Variants in NOX4 observed in about 807,000 individuals in gnomAD.
The protein encoded by NOX4 is NADPH oxidase 4.
In NOX4, 69 loss-of-function variants were observed where a neutral mutation model predicts 87.6. The observed-to-expected ratio is 0.79, with a 90% CI of 0.65 to 0.96. The LOEUF is 0.96. Among genes scored for constraint, NOX4 ranks in the 40% least tolerant of loss-of-function variants. The probability of loss-of-function intolerance (pLI) is 0.00; values close to 1 mark genes in which losing one functional copy is unlikely to be tolerated. For missense variants in NOX4, 680 were observed against 681.5 expected (o/e 1.00, Z 0.02); for synonymous variants, 275 against 238.2 (o/e 1.15, Z -1.42).
intron 5 of NOX4, among the ~76,000 whole-genome samples, chr11:89,442,951 G>A (rs1262998131): frequency 6.6e-6 from 1 of 152,116 alleles, no homozygotes; most frequent in Non-Finnish European, 1.5e-5. Flanking sequence ...GAGGGCAGCA[G>A]GAGAAAGGGA....
intron 2 of NOX4, among the ~76,000 whole-genome samples, chr11:89,458,517 C>G (rs1945308479): frequency 6.6e-6 from 1 of 151,946 alleles, no homozygotes; most frequent in Admixed American, 6.6e-5. Context: ...CAACAGACAA[C>G]CTACAGAATG....
chr11:89,547,065 T>C, the NOX4 span, among the ~76,000 whole-genome samples: 2 of 152,180 alleles, frequency 1.3e-5, no homozygotes, highest in Admixed American at 1.3e-4. Context: ...AAACAGTAAG[T>C]GTGCAATGAA....
At chr11:89,438,141 G>A (rs1435696540) in intron 6 of NOX4, among the ~76,000 whole-genome samples, 2 of 149,930 alleles carry the variant, frequency 1.3e-5, no homozygotes, top group Non-Finnish European at 2.9e-5. Context: ...AAGGACATAG[G>A]ATGATAGGGT....
At chr11:89,359,314 C>T (rs1938330558) in intron 12 of NOX4, among the ~76,000 whole-genome samples, 1 of 151,676 alleles carries the variant, frequency 6.6e-6, no homozygotes, top group Non-Finnish European at 1.5e-5. Flanking sequence ...AATCTCTAAT[C>T]CACCCCAATA....
upstream of NOX4, among the ~76,000 whole-genome samples, chr11:89,502,352 G>A (rs1157785365): frequency 1.3e-5 from 2 of 151,966 alleles, no homozygotes; most frequent in Non-Finnish European, 2.9e-5. Flanking sequence ...TAGGAGTAAT[G>A]GGTTAAACTT....
chr11:89,341,822 G>T (rs1946016108), intron 14 of NOX4, among the ~76,000 whole-genome samples: 1 of 152,144 alleles, frequency 6.6e-6, no homozygotes, highest in African/African-American at 2.4e-5. Flanking sequence ...GGAGGCGAAT[G>T]ACTTTTAACA....
chr11:89,471,376 G>T (rs915111086), intron 2 of NOX4, among the ~76,000 whole-genome samples: 1 of 151,864 alleles, frequency 6.6e-6, no homozygotes, highest in Non-Finnish European at 1.5e-5. Flanking sequence ...TCTGAGCAAC[G>T]AAAGTCAACA....
chr11:89,366,722 A>G (rs1052966234), intron 12 of NOX4, among the ~76,000 whole-genome samples: 31 of 150,850 alleles, frequency 2.1e-4, no homozygotes, highest in African/African-American at 7.3e-4. Context: ...AAAAAAGAAC[A>G]TTGTGAAAAT....
intron 2 of NOX4, among the ~76,000 whole-genome samples, chr11:89,458,401 G>C (rs1945301215): frequency 6.6e-6 from 1 of 152,146 alleles, no homozygotes; most frequent in Admixed American, 6.5e-5. Context: ...CATAGACCTT[G>C]GCAAAGATTT....
At chr11:89,542,928 G>C in the NOX4 span, among the ~76,000 whole-genome samples, 3 of 152,224 alleles carry the variant, frequency 2.0e-5, no homozygotes, top group South Asian at 4.2e-4. Flanking sequence ...TTTGTGGTAG[G>C]GAAGTATATT....
chr11:89,375,695 C>T (rs1485389774), intron 11 of NOX4, among the ~76,000 whole-genome samples: 2 of 152,130 alleles, frequency 1.3e-5, no homozygotes, highest in African/African-American at 2.4e-5. Flanking sequence ...AAACCACCCA[C>T]GATTTAACTA....
chr11:89,428,158 C>G (rs1330757740), intron 7 of NOX4, among the ~76,000 whole-genome samples: 1 of 152,160 alleles, frequency 6.6e-6, no homozygotes, highest in Non-Finnish European at 1.5e-5. Flanking sequence ...CCTTTACAGA[C>G]AAGCAAATGC....
chr11:89,421,686 T>C (rs377481263), intron 8 of NOX4, among the ~76,000 whole-genome samples: 189 of 152,294 alleles, frequency 1.2e-3, no homozygotes, highest in South Asian at 9.1e-3. Flanking sequence ...ATTCTAGCTT[T>C]TAAATTTAGT....
chr11:89,334,672 T>C (rs1945621212), intron 17 of NOX4, among the ~76,000 whole-genome samples: 1 of 151,762 alleles, frequency 6.6e-6, no homozygotes, highest in Non-Finnish European at 1.5e-5. Flanking sequence ...TATAAAAATA[T>C]ATTTTAAAAA....
intron 6 of NOX4, among the ~76,000 whole-genome samples, chr11:89,438,323 T>C (rs543027610): frequency 1.1e-3 from 144 of 126,156 alleles, no homozygotes; most frequent in African/African-American, 4.1e-3. Flanking sequence ...CTTGCTTATA[T>C]ATAGTATATA....
chr11:89,588,428 A>C, the NOX4 span, among the ~76,000 whole-genome samples: 2 of 152,212 alleles, frequency 1.3e-5, no homozygotes, highest in Non-Finnish European at 2.9e-5. Context: ...TCCTATTCCA[A>C]AGTGATGGAA....
In NOX4 at chr11:89,329,581, A is replaced by G. The variant is rs190545674; in HGVS notation, c.1617-2705T>C. On this transcript the variant is annotated intron_variant, in intron 17 of 17. Transcript: ENST00000263317. Reference sequence around the variant, plus strand: ...TAAAATACTAAAAACGAGTGACAAAAAGAAAAACATAAAACCAAACAGACT... The same window carrying G: ...TAAAATACTAAAAACGAGTGACAAAGAGAAAAACATAAAACCAAACAGACT... 8.0e-3 allele frequency among the ~76,000 whole-genome samples: 1,222 copies of G among 152,018 alleles called. 14 individuals are homozygous for G. Among genetic ancestry groups the G allele is most frequent in the African/African-American group, 0.028 (1,142 of 41,524 alleles).
At chr11:89,399,971 G>T (rs758841374) in intron 11 of NOX4, 46 bp downstream of exon 11, 1 of 1,416,358 alleles carries the variant, frequency 7.1e-7, no homozygotes, top group East Asian at 2.3e-5. Flanking sequence ...AGAAAAATAT[G>T]CATAGCACCC....
chr11:89,514,920 G>T, the NOX4 span, among the ~76,000 whole-genome samples: 4 of 151,834 alleles, frequency 2.6e-5, no homozygotes, highest in East Asian at 7.7e-4. Context: ...ACTCATGCAT[G>T]CTCCTGCATA....
Sources: allele counts gnomAD v4.1 joint callset (sites outside exome capture counted in the v4.1 genomes callset), GRCh38; gene constraint gnomAD v4.1.1; transcripts MANE v1.5; gene names NCBI Gene and HGNC (gene_info 2026-07-23, HGNC 2026-07-21).